LRCH1: variants seen among roughly 807,000 people sequenced by gnomAD.
LRCH1 encodes leucine-rich repeat and calponin homology domain-containing protein 1.
In LRCH1, 23 loss-of-function variants were observed where a neutral mutation model predicts 94.9. That is an observed-to-expected ratio of 0.24 (90% confidence interval 0.17 to 0.34). LRCH1 has a LOEUF of 0.34. LRCH1 is among the 10% of genes least tolerant of loss of function. The probability of loss-of-function intolerance (pLI) is 1.00; values close to 1 mark genes in which losing one functional copy is unlikely to be tolerated. For synonymous variants in LRCH1, 364 were observed against 354.9 expected, an observed-to-expected ratio of 1.03 and a Z score of -0.29; for missense variants, 790 against 945.9, an observed-to-expected ratio of 0.84 and a Z score of 2.16.
At chr13:46,594,714 C>T (rs926075913) in intron 1 of LRCH1, among the ~76,000 whole-genome samples, 9 of 152,136 alleles carry the variant, frequency 5.9e-5, no homozygotes, top group African/African-American at 1.4e-4. Context: ...GGAACTGCTT[C>T]GCTTAATTTT....
At chr13:46,567,242 A>G (rs574237968) in intron 1 of LRCH1, among the ~76,000 whole-genome samples, 95 of 152,340 alleles carry the variant, frequency 6.2e-4, no homozygotes, top group Admixed American at 1.6e-3. Flanking sequence ...TGTAATAAGA[A>G]TCATCAATTT....
intron 2 of LRCH1, among the ~76,000 whole-genome samples, chr13:46,661,925 T>A (rs979780385): frequency 5.3e-5 from 8 of 152,136 alleles, no homozygotes; most frequent in South Asian, 4.1e-4. Context: ...AAAAAATATA[T>A]ATTTTTGGCC....
intron 1 of LRCH1, among the ~76,000 whole-genome samples, chr13:46,647,111 T>C (rs1190969322): frequency 9.8e-6 from 1 of 102,112 alleles, no homozygotes; most frequent in Admixed American, 1.1e-4. Flanking sequence ...AGACTCCAAC[T>C]CAAAAAAAAA....
chr13:46,748,698 C>T (rs1007603338), downstream of LRCH1, among the ~76,000 whole-genome samples: 12 of 152,214 alleles, frequency 7.9e-5, no homozygotes, highest in African/African-American at 1.9e-4. Flanking sequence ...AATAAATTGT[C>T]AGGCAGCATG....
intron 2 of LRCH1, among the ~76,000 whole-genome samples, chr13:46,668,117 A>G (rs1470051332): frequency 6.6e-6 from 1 of 152,208 alleles, no homozygotes; most frequent in African/African-American, 2.4e-5. Context: ...ACTGAAACCC[A>G]TCTGTCTTTT....
At chr13:46,639,098 C>T (rs2051128224) in intron 1 of LRCH1, among the ~76,000 whole-genome samples, 2 of 152,136 alleles carry the variant, frequency 1.3e-5, no homozygotes, top group Non-Finnish European at 2.9e-5. Context: ...CAGCAAAGAA[C>T]ATTTCTTTTA....
At chr13:46,680,496 A>G (rs977604705) in intron 3 of LRCH1, among the ~76,000 whole-genome samples, 2 of 152,162 alleles carry the variant, frequency 1.3e-5, no homozygotes, top group African/African-American at 4.8e-5. Context: ...AGGTGGGGGA[A>G]GCCTCGTGAA....
At chr13:46,598,106 C>A (rs2050584991) in intron 1 of LRCH1, among the ~76,000 whole-genome samples, 1 of 152,144 alleles carries the variant, frequency 6.6e-6, no homozygotes, top group South Asian at 2.1e-4. Flanking sequence ...CATGATGAAA[C>A]CCTGTCTCTA....
At chr13:46,675,737 G>A (rs1224581154) in intron 3 of LRCH1, among the ~76,000 whole-genome samples, 1 of 152,124 alleles carries the variant, frequency 6.6e-6, no homozygotes, top group Non-Finnish European at 1.5e-5. Context: ...TGTCTCTGGA[G>A]GCGCCTCCTA....
At chr13:46,576,248 T>A (rs1437245460) in intron 1 of LRCH1, among the ~76,000 whole-genome samples, 2 of 152,220 alleles carry the variant, frequency 1.3e-5, no homozygotes, top group African/African-American at 4.8e-5. Context: ...AAGGTTCTCA[T>A]GCATGGCAGC....
intron 1 of LRCH1, among the ~76,000 whole-genome samples, chr13:46,554,138 C>A (rs942910695): frequency 6.6e-6 from 1 of 152,262 alleles, no homozygotes; most frequent in Non-Finnish European, 1.5e-5. Flanking sequence ...GCGCCTCCAA[C>A]CAGTTCAAGC....
intron 2 of LRCH1, among the ~76,000 whole-genome samples, chr13:46,654,113 T>C (rs1239389793): frequency 6.6e-6 from 1 of 152,202 alleles, no homozygotes; most frequent in Non-Finnish European, 1.5e-5. Flanking sequence ...ATCTAGAAAA[T>C]ACCAGTGGCA....
intron 1 of LRCH1, among the ~76,000 whole-genome samples, chr13:46,561,434 G>T (rs1401899435): frequency 1.3e-5 from 2 of 152,106 alleles, no homozygotes; most frequent in African/African-American, 4.8e-5. Context: ...TTGCCAAATG[G>T]GCAGAAAGTG....
chr13:46,654,545 C>A (rs1248987549), intron 2 of LRCH1, among the ~76,000 whole-genome samples: 1 of 152,008 alleles, frequency 6.6e-6, no homozygotes, highest in East Asian at 1.9e-4. Flanking sequence ...GTTTTTTCTT[C>A]AGTAGTTATA....
At chr13:46,612,851 G>A (rs1442717035) in intron 1 of LRCH1, among the ~76,000 whole-genome samples, 3 of 152,058 alleles carry the variant, frequency 2.0e-5, no homozygotes, top group Admixed American at 2.0e-4. Context: ...ATATTTTATT[G>A]TTTATACATT....
At chr13:46,735,809 T>TTTTTC (rs1566257882) in intron 19 of LRCH1, among the ~76,000 whole-genome samples, 7 of 137,660 alleles carry the variant, frequency 5.1e-5, no homozygotes, top group African/African-American at 8.1e-5. Flanking sequence ...TTTTTTTTTT[T>TTTTTC]CGAGATGGAG....
At chr13:46,562,447 C>T (rs1263704210) in intron 1 of LRCH1, among the ~76,000 whole-genome samples, 1 of 152,170 alleles carries the variant, frequency 6.6e-6, no homozygotes, top group African/African-American at 2.4e-5. Flanking sequence ...CCTTTTTATA[C>T]ACAAATCCTT....
At chr13:46,651,297 T>C (rs1335687658) in intron 2 of LRCH1, among the ~76,000 whole-genome samples, 1 of 152,324 alleles carries the variant, frequency 6.6e-6, no homozygotes, top group South Asian at 2.1e-4. Flanking sequence ...AGTGGTTTTT[T>C]AGTTTTGTTT....
At chr13:46,749,485 T>G (rs1874039399), downstream of LRCH1, among the ~76,000 whole-genome samples, 1 of 152,202 alleles carries the variant, frequency 6.6e-6, no homozygotes, top group South Asian at 2.1e-4. Context: ...AAGACTCTAT[T>G]TTAAGTGTTC....
Sources: allele counts gnomAD v4.1 joint callset (sites outside exome capture counted in the v4.1 genomes callset), GRCh38; gene constraint gnomAD v4.1.1; transcripts MANE v1.5; gene names NCBI Gene and HGNC (gene_info 2026-07-23, HGNC 2026-07-21).